Variants in MOBP observed in about 807,000 individuals in gnomAD.
MOBP encodes the protein myelin associated oligodendrocyte basic protein.
MOBP carries 5 observed loss-of-function variants against 15.0 expected under a neutral mutation model. The ratio of observed to expected loss-of-function variants is 0.33; its 90% CI spans 0.17 to 0.70. The LOEUF is 0.70. MOBP is among the 30% of genes least tolerant of loss of function. The pLI, the probability that MOBP is intolerant of heterozygous loss-of-function variation, is 0.67. For missense variants in MOBP, 188 were observed against 257.8 expected, an observed-to-expected ratio of 0.73 and a Z score of 1.85; for synonymous variants, 88 against 99.0, an observed-to-expected ratio of 0.89 and a Z score of 0.66.
chr3:39,483,700 T>C (rs532097133), intron 2 of MOBP, among the ~76,000 whole-genome samples: 33 of 152,310 alleles, frequency 2.2e-4, no homozygotes, highest in Middle Eastern at 6.8e-3. Context: ...ACATTCAAAA[T>C]CCCATCATTT....
intron 4 of MOBP, among the ~76,000 whole-genome samples, chr3:39,509,538 C>A (rs2043093106): frequency 6.6e-6 from 1 of 152,058 alleles, no homozygotes; most frequent in Admixed American, 6.5e-5. Flanking sequence ...CTGCTTAAAT[C>A]TTCTACATAT....
At chr3:39,496,568 A>T (rs895081251) in intron 2 of MOBP, among the ~76,000 whole-genome samples, 7 of 151,154 alleles carry the variant, frequency 4.6e-5, no homozygotes, top group African/African-American at 1.7e-4. Context: ...ATGTTGGCTC[A>T]CTGCAAACTC....
At chr3:39,492,467 T>G (rs9865426) in intron 2 of MOBP, among the ~76,000 whole-genome samples, 9,062 of 152,240 alleles carry the variant, frequency 0.06, 755 homozygotes, top group African/African-American at 0.18. Context: ...ACCAGGCCAC[T>G]ATAAATTTAG....
At chr3:39,487,799 G>A (rs1400752229) in intron 2 of MOBP, among the ~76,000 whole-genome samples, 2 of 152,032 alleles carry the variant, frequency 1.3e-5, no homozygotes, top group Non-Finnish European at 2.9e-5. Flanking sequence ...TGGGATTACA[G>A]GTGTGAGCCA....
chr3:39,470,458 C>T (rs2042453790), intron 1 of MOBP, among the ~76,000 whole-genome samples: 1 of 152,130 alleles, frequency 6.6e-6, no homozygotes, highest in Non-Finnish European at 1.5e-5. Context: ...AGAGACTAGC[C>T]TATGATTACA....
At chr3:39,488,136 T>C (rs2042743743) in intron 2 of MOBP, among the ~76,000 whole-genome samples, 1 of 152,206 alleles carries the variant, frequency 6.6e-6, no homozygotes, top group African/African-American at 2.4e-5. Context: ...AAAATTTTTT[T>C]CAGTAATTAT....
At chr3:39,519,019 T>A (rs2043234787), downstream of MOBP, among the ~76,000 whole-genome samples, 1 of 152,182 alleles carries the variant, frequency 6.6e-6, no homozygotes, top group Non-Finnish European at 1.5e-5. Context: ...TTGATTTTAT[T>A]TCTTTGATCT....
Position 39,491,911 on chromosome 3 carries a change from T to G in MOBP, c.-4-10155T>G, listed in dbSNP as rs936570191. Among the ~76,000 whole-genome samples, 4 of 152,090 alleles carry G rather than the reference T, an allele frequency of 2.6e-5. No homozygotes were observed. The South Asian group carries it at 6.2e-4, about 24-fold the overall frequency. On this transcript the variant is annotated intron_variant, in intron 2 of 3. Transcript: ENST00000684792. ...AGAATCATCCAGATAGGTTTAAAAT[T>G]TTTTGTGTGTGTATGAGGGGCAGTG...
intron 2 of MOBP, among the ~76,000 whole-genome samples, chr3:39,484,964 T>C (rs2042680816): frequency 1.3e-5 from 2 of 152,220 alleles, no homozygotes; most frequent in Admixed American, 6.5e-5. Flanking sequence ...CATGGCTTTG[T>C]TTTGTGTCCC....
downstream of MOBP, among the ~76,000 whole-genome samples, chr3:39,519,396 CTT>C (rs1419296668): frequency 6.6e-6 from 1 of 152,022 alleles, no homozygotes; most frequent in African/African-American, 2.4e-5. Flanking sequence ...TCAACTAGAG[CTT>C]TGGTGGCTGG....
downstream of MOBP, among the ~76,000 whole-genome samples, chr3:39,503,404 A>G (rs575952186): frequency 6.6e-6 from 1 of 152,336 alleles, no homozygotes; most frequent in East Asian, 1.9e-4. Flanking sequence ...GGAATATGGC[A>G]GTGAGGAAGC....
intron 1 of MOBP, among the ~76,000 whole-genome samples, chr3:39,479,811 T>C (rs1575288215): frequency 1.3e-5 from 1 of 78,770 alleles, no homozygotes; most frequent in South Asian, 3.9e-4. Context: ...GACATATAGC[T>C]TTTTTTTTTT....
At chr3:39,475,044 C>T (rs974444033) in intron 1 of MOBP, among the ~76,000 whole-genome samples, 1 of 152,194 alleles carries the variant, frequency 6.6e-6, no homozygotes, top group Admixed American at 6.5e-5. Context: ...CAGGATCTTG[C>T]ATTGCATTTA....
At chr3:39,524,371 CTT>C (rs1273984434) in intron 4 of MOBP, 1 of 152,112 alleles carries the variant, frequency 6.6e-6, no homozygotes. Flanking sequence ...AGATTTTCCT[CTT>C]TGTCTTTGGT....
chr3:39,471,185 T>C (rs1002100274), intron 1 of MOBP, among the ~76,000 whole-genome samples: 2 of 150,652 alleles, frequency 1.3e-5, no homozygotes, highest in African/African-American at 2.5e-5. Flanking sequence ...TGGAGTGCAG[T>C]GCACCAGCCT....
rs1374936110 is a variant in MOBP at position 39,468,768 on chromosome 3, G to GTA, written c.-89+1035_-89+1036dup. 4.6e-5 allele frequency among the ~76,000 whole-genome samples: 4 copies of GTA among 87,528 alleles called. 1 individual carries two copies. The highest frequency in any genetic ancestry group is 1.4e-4 in the African/African-American group (2 of 14,106). 57.4% of individuals were successfully genotyped at this position (87,528 alleles called of 152,430 possible). On this transcript the variant is annotated intron_variant, in intron 1 of 3. Coordinates refer to ENST00000684792, the MANE Select transcript of MOBP (RefSeq NM_001393704.1). ...TATATATACATATATACATGTGTGTGTATATATACATATATACATGTGTGT... is the reference window on the plus strand; with the variant it reads ...TATATATACATATATACATGTGTGTGTATATATATACATATATACATGTGTGT...
chr3:39,477,076 C>T (rs2042554301), intron 1 of MOBP, among the ~76,000 whole-genome samples: 1 of 152,088 alleles, frequency 6.6e-6, no homozygotes, highest in Admixed American at 6.5e-5. Flanking sequence ...GCATTTACTT[C>T]TATGAGTTGT....
At chr3:39,487,422 C>A (rs907429974) in intron 2 of MOBP, among the ~76,000 whole-genome samples, 2 of 151,164 alleles carry the variant, frequency 1.3e-5, no homozygotes, top group South Asian at 2.1e-4. Context: ...TTGTCTATTT[C>A]TGGGCAATGC....
At chr3:39,518,778 A>AC (rs1559430354), downstream of MOBP, among the ~76,000 whole-genome samples, 1 of 152,218 alleles carries the variant, frequency 6.6e-6, no homozygotes, top group Non-Finnish European at 1.5e-5. Flanking sequence ...TCATGTTTAC[A>AC]TGCAGATCAA....
Sources: allele counts gnomAD v4.1 joint callset (sites outside exome capture counted in the v4.1 genomes callset), GRCh38; gene constraint gnomAD v4.1.1; transcripts MANE v1.5; gene names NCBI Gene and HGNC (gene_info 2026-07-23, HGNC 2026-07-21).